The following KHNYN variants were observed in gnomAD, a reference collection of about 807,000 sequenced individuals.
KHNYN encodes the protein KH and NYN domain containing.
In KHNYN, 42 loss-of-function variants were observed where a neutral mutation model predicts 62.7. That is an observed-to-expected ratio of 0.67 (90% CI 0.52 to 0.87). The LOEUF is 0.87. Among genes scored for constraint, KHNYN ranks in the 40% least tolerant of loss-of-function variants. The pLI, the probability that KHNYN is intolerant of heterozygous loss-of-function variation, is 0.00. For missense variants in KHNYN, 829 were observed against 874.1 expected (o/e 0.95, Z 0.65); for synonymous variants, 347 against 345.6 (o/e 1.00, Z -0.04).
chr14:24,439,967 T>G lies in KHNYN; in HGVS notation c.*2682T>G, dbSNP rs550906888. 2.6e-6 allele frequency: 2 copies of G among 781,670 alleles called. No homozygotes were observed. The highest frequency in any genetic ancestry group is 5.4e-5 in the East Asian group (2 of 37,004). The allele number at this position is 781,670 out of a possible 1,614,324, so 48.4% of individuals were successfully genotyped here. On this transcript the variant is annotated 3_prime_UTR_variant, in exon 8 of 8. Coordinates refer to ENST00000553935, the MANE Select transcript of KHNYN (RefSeq NM_015299.3). ...GCAACAGAACAATGGGAAAGAGGAC[T>G]GGGAGAGGAATCTAAGAACCAGATG...
chr14:24,431,644 T>C lies in KHNYN; in HGVS notation c.383T>C (p.Phe128Ser). 1.2e-6 allele frequency: 2 copies of C among 1,613,942 alleles called. No individual in the cohort carries two copies. Among genetic ancestry groups the C allele is most frequent in the Non-Finnish European group, 1.7e-6 (2 of 1,179,912 alleles). ...SLMISGLTEA[F>S]VMAQSRVEEL... is the part of the protein sequence containing the mutation. Reference sequence around the variant, plus strand: ...ATGATCAGTGGCCTGACTGAAGCCTTTGTCATGGCTCAGAGCCGGGTAGAA... The same window carrying C: ...ATGATCAGTGGCCTGACTGAAGCCTCTGTCATGGCTCAGAGCCGGGTAGAA... The change falls in exon 3 of 8, where the codon TTT (phenylalanine) becomes TCT (serine). Residue 128 changes from phenylalanine (F) to serine (S), a missense_variant. By Grantham distance (155) the Phe-to-Ser change is radical. Around this residue, in one of 2 missense-constraint regions of KHNYN, gnomAD observed 559 missense variants for 527.0 expected, o/e 1.06. Transcript: ENST00000553935.
chr14:24,430,360 C>T (rs2043083521), intron 1 of KHNYN: 8 of 901,198 alleles, frequency 8.9e-6, no homozygotes, highest in Non-Finnish European at 1.1e-5. Flanking sequence ...CTAGTTCAAT[C>T]CCCTGCTGAG....
chr14:24,441,077 C>G lies in KHNYN; in HGVS notation c.*3792C>G. On this transcript the variant is annotated 3_prime_UTR_variant, in exon 8 of 8. Coordinates refer to ENST00000553935, the MANE Select transcript of KHNYN (RefSeq NM_015299.3). Reference sequence around the variant, plus strand: ...TTGGATATTTTCCCCTTGAACTTCTCCATGACCTGAAGCGTTCCTTCCCTG... The same window carrying G: ...TTGGATATTTTCCCCTTGAACTTCTGCATGACCTGAAGCGTTCCTTCCCTG... 1.2e-6 allele frequency: 1 copy of G among 857,786 alleles called. No homozygotes were observed. The allele number at this position is 857,786 out of a possible 1,614,324, so 53.1% of individuals were successfully genotyped here.
Position 24,432,922 on chromosome 14 carries a change from T to G in KHNYN, c.1481-14T>G. ...CCACTTTGAGGAGAACCCTATTATG[T>G]TCTTTTTCAATAGAGAGTCACTTCC... On this transcript the variant is annotated splice_polypyrimidine_tract_variant and intron_variant, in intron 4 of 7. Coordinates refer to ENST00000553935, the MANE Select transcript of KHNYN (RefSeq NM_015299.3). The surrounding 1 kb of genome is among the most constrained non-coding windows in gnomAD (Gnocchi z 5.6). 1.2e-6 allele frequency: 2 copies of G among 1,614,180 alleles called. No homozygotes were observed. Among genetic ancestry groups the G allele is most frequent in the Non-Finnish European group, 1.7e-6 (2 of 1,180,006 alleles).
Position 24,441,592 on chromosome 14 carries a change from T to C in KHNYN, c.*4307T>C. ...CATTTTGCCTGGAAAAGACCAGTGC[T>C]CTGGTGTGTGCATAGCTACAGAGGT... On this transcript the variant is annotated 3_prime_UTR_variant, in exon 8 of 8. Coordinates refer to ENST00000553935, the MANE Select transcript of KHNYN (RefSeq NM_015299.3). 2 of 1,205,872 alleles carry C rather than the reference T, an allele frequency of 1.7e-6. No individual in the cohort carries two copies. The highest frequency in any genetic ancestry group is 1.5e-5 in the South Asian group (1 of 65,974). The allele number at this position is 1,205,872 out of a possible 1,614,324, so 74.7% of individuals were successfully genotyped here.
At chr14:24,429,481 CTCCTACTCT>C, upstream of KHNYN, 1 of 470,682 alleles carries the variant, frequency 2.1e-6, no homozygotes, top group East Asian at 6.6e-5. Flanking sequence ...CAACCCCTTC[CTCCTACTCT>C]TCCTCTCTTC....
chr14:24,427,656 C>T, upstream of KHNYN: 1 of 841,220 alleles, frequency 1.2e-6, no homozygotes, highest in South Asian at 1.6e-5. The surrounding 1 kb of genome is among the most constrained non-coding windows in gnomAD (Gnocchi z 4.4). Context: ...GGGTGTTTGG[C>T]ACAGGGTCCC....
At chr14:24,430,265 A>G in intron 1 of KHNYN, 146 bp downstream of exon 1, 1 of 736,958 alleles carries the variant, frequency 1.4e-6, no homozygotes, top group African/African-American at 1.9e-5. Context: ...TCCTGGCCCG[A>G]CGGAGAGGGG....
Position 24,432,211 on chromosome 14 carries a change from G to C in KHNYN, c.950G>C (p.Gly317Ala). The change falls in exon 3 of 8, where the codon GGA (glycine) becomes GCA (alanine). Residue 317 changes from glycine (G) to alanine (A), a missense_variant. Transcript: ENST00000553935. This position sits in a 1 kb window ranked among gnomAD's most constrained non-coding sequence, Gnocchi z 5.6. ...LGKEEIALGG[G>A]GFCVHREPPG... ...AAGGAGGAGATAGCTCTGGGAGGAG[G>C]AGGGTTCTGTGTCCACCGTGAGCCT... is the stretch of plus-strand genomic sequence containing the variant. 6.3e-7 allele frequency: 1 copy of C among 1,595,474 alleles called. No individual in the cohort carries two copies. The highest frequency in any genetic ancestry group is 8.6e-7 in the Non-Finnish European group (1 of 1,169,374).
Position 24,436,354 on chromosome 14 carries a change from C to T in KHNYN, c.1686-34C>T, listed in dbSNP as rs368188765. ...TTGTCTGGGAGGTGGGCAAGGGCCCCCTCTGTGACCACACATTATCTTTCG... is the reference window on the plus strand; with the variant it reads ...TTGTCTGGGAGGTGGGCAAGGGCCCTCTCTGTGACCACACATTATCTTTCG... On this transcript the variant is annotated intron_variant, in intron 6 of 7. Coordinates refer to ENST00000553935, the MANE Select transcript of KHNYN (RefSeq NM_015299.3). The T allele has an allele frequency of 1.6e-5, 25 of 1,586,932 alleles. No homozygotes were observed. In the South Asian group the frequency reaches 2.4e-4, roughly 15 times the overall value.
In KHNYN at chr14:24,432,855, G is replaced by A; in HGVS notation, c.1480+3G>A. 1.9e-6 allele frequency: 3 copies of A among 1,614,248 alleles called. No homozygotes were observed. The highest frequency in any genetic ancestry group is 1.7e-6 in the Non-Finnish European group (2 of 1,180,036). ...CAGTAAGGATGCCAAAGTCAGAGGT[G>A]AGTTGGGCCTGGTCTTCAGTGTCCC... On this transcript the variant is annotated splice_donor_region_variant and intron_variant, in intron 4 of 7. Transcript: ENST00000553935. The surrounding 1 kb of genome is among the most constrained non-coding windows in gnomAD (Gnocchi z 5.6).
intron 7 of KHNYN, among the ~76,000 whole-genome samples, chr14:24,436,800 C>G (rs1423094316): frequency 1.3e-5 from 2 of 152,186 alleles, no homozygotes; most frequent in Admixed American, 1.3e-4. Flanking sequence ...ATAAGTGATT[C>G]ATTTAGGACT....
At chr14:24,427,669 G>T, upstream of KHNYN, 1 of 910,048 alleles carries the variant, frequency 1.1e-6, no homozygotes. The surrounding 1 kb of genome is among the most constrained non-coding windows in gnomAD (Gnocchi z 4.4). Flanking sequence ...AGGGTCCCAT[G>T]CAAAGAGGTG....
chr14:24,429,625 T>G, upstream of KHNYN: 6 of 1,076,868 alleles, frequency 5.6e-6, no homozygotes, highest in East Asian at 7.5e-5. Context: ...CACGATTGCT[T>G]TGGTGGAAAG....
chr14:24,439,942 G>A lies in KHNYN; in HGVS notation c.*2657G>A, dbSNP rs2043269837. The A allele has an allele frequency of 1.5e-6, 1 of 664,306 alleles. No individual in the cohort carries two copies. The highest frequency in any genetic ancestry group is 2.5e-6 in the Non-Finnish European group (1 of 399,446). The allele number at this position is 664,306 out of a possible 1,614,324, so 41.2% of individuals were successfully genotyped here. ...TACGGCCTTGAGACAATAAGGTGGA[G>A]CAACAGAACAATGGGAAAGAGGACT... On this transcript the variant is annotated 3_prime_UTR_variant, in exon 8 of 8. Coordinates refer to ENST00000553935, the MANE Select transcript of KHNYN (RefSeq NM_015299.3).
rs755122658 is a variant in KHNYN at position 24,440,128 on chromosome 14, ATACTGG to A, written c.*2846_*2851del. 3 of 1,612,400 alleles carry A rather than the reference ATACTGG, an allele frequency of 1.9e-6. No homozygotes were observed. The Admixed American group carries it at 5.0e-5, about 27-fold the overall frequency. ...AGGCAGCCCCTAGCTCTGGGAAGGAATACTGGTAGCCAGTGGCCAGTGTTCGCTGTG... is the reference window on the plus strand; with the variant it reads ...AGGCAGCCCCTAGCTCTGGGAAGGAATAGCCAGTGGCCAGTGTTCGCTGTG... On this transcript the variant is annotated 3_prime_UTR_variant, in exon 8 of 8. Coordinates refer to ENST00000553935, the MANE Select transcript of KHNYN (RefSeq NM_015299.3).
chr14:24,428,941 G>C (rs371680375), upstream of KHNYN: 107 of 1,554,744 alleles, frequency 6.9e-5, 1 homozygote, highest in African/African-American at 1.3e-3. Flanking sequence ...CCAGCAGGAC[G>C]GGCTCTGACC....
upstream of KHNYN, among the ~76,000 whole-genome samples, chr14:24,425,450 T>C (rs750883893): frequency 6.6e-6 from 1 of 152,202 alleles, no homozygotes; most frequent in Non-Finnish European, 1.5e-5. Flanking sequence ...TCCTTCCTCC[T>C]TCCTGTTAGG....
At chr14:24,431,206 G>A (rs934694408) in intron 2 of KHNYN, among the ~76,000 whole-genome samples, 2 of 152,252 alleles carry the variant, frequency 1.3e-5, no homozygotes, top group African/African-American at 4.8e-5. Flanking sequence ...GGCTGAACAA[G>A]TTGGCCCCAC....
Sources: gnomAD v4.1 joint callset for allele counts (sites outside exome capture counted in the v4.1 genomes callset) on GRCh38, gnomAD v4.1.1 for gene constraint, gnomAD v4.1.1 regional missense constraint, Gnocchi (gnomAD v3.1) non-coding constraint, MANE v1.5 for transcripts, NCBI Gene and HGNC (gene_info 2026-07-23, HGNC 2026-07-21) for gene names.